GZF1: variants seen among roughly 807,000 people sequenced by gnomAD.
GZF1 encodes GDNF inducible zinc finger protein 1.
In GZF1, 28 loss-of-function variants were observed where a neutral mutation model predicts 49.4. The observed-to-expected ratio is 0.57, with a 90% CI of 0.42 to 0.78. The LOEUF is 0.78. Ranked by LOEUF, GZF1 falls within the 30% of genes least tolerant of loss-of-function variation. The pLI is 0.00. For missense variants in GZF1, 798 were observed against 916.2 expected, an observed-to-expected ratio of 0.87 and a Z score of 1.67; for synonymous variants, 364 against 356.0, an observed-to-expected ratio of 1.02 and a Z score of -0.25.
intron 5 of GZF1, 70 bp from the exon 6 acceptor site, chr20:23,370,021 A>G (rs1220898478): frequency 1.2e-5 from 16 of 1,296,218 alleles, no homozygotes; most frequent in Non-Finnish European, 1.7e-5. Context: ...TTGTAGAGGG[A>G]CTATTGTTTT....
chr20:23,365,586 G>GGGC lies in GZF1; in HGVS notation c.1211_1213dup (p.Gly404dup). The GGGC allele has an allele frequency of 6.2e-7, 1 of 1,609,990 alleles. No homozygotes were observed. Among genetic ancestry groups the GGGC allele is most frequent in the East Asian group, 2.2e-5 (1 of 44,868 alleles). On this transcript the variant is annotated inframe_insertion, in exon 2 of 6. Transcript: ENST00000338121. ...AGCGGCACGTGCTGCAGGTGCATGA[G>GGGC]GGCGGCGGCGAGCGGCACCGCTGCG...
At chr20:23,363,699 C>G (rs1980958195) in intron 1 of GZF1, among the ~76,000 whole-genome samples, 1 of 152,226 alleles carries the variant, frequency 6.6e-6, no homozygotes, top group Non-Finnish European at 1.5e-5. Flanking sequence ...GCCGGTCAGC[C>G]TTCTTCAGAG....
At chr20:23,361,786 C>T (rs888411964), upstream of GZF1, among the ~76,000 whole-genome samples, 1 of 152,228 alleles carries the variant, frequency 6.6e-6, no homozygotes, top group Non-Finnish European at 1.5e-5. Context: ...AGGCCCTGAC[C>T]GCAGGCTGCT....
Position 23,364,841 on chromosome 20 carries a change from G to A in GZF1, c.458G>A (p.Ser153Asn), listed in dbSNP as rs1981112443. The change falls in exon 2 of 6, where the codon AGT becomes AAT. Residue 153 changes from serine to asparagine, a missense_variant. Ser to Asn is a conservative substitution (Grantham distance 46). Transcript: ENST00000338121. ...FSESQEVEVSSGSQVSAAPAP... is the reference protein window; with the variant it reads ...FSESQEVEVSNGSQVSAAPAP... The stretch of plus-strand genomic sequence containing the variant: ...GAGTCTCAGGAGGTGGAGGTGAGCA[G>A]TGGCTCCCAAGTTAGTGCTGCTCCT... 2 of 1,614,124 alleles carry A rather than the reference G, an allele frequency of 1.2e-6. No homozygotes were observed. The highest frequency in any genetic ancestry group is 2.7e-5 in the African/African-American group (2 of 74,960).
In GZF1 at chr20:23,365,461, C is replaced by G; in HGVS notation, c.1078C>G (p.Arg360Gly). The G allele has an allele frequency of 6.2e-7, 1 of 1,613,834 alleles. No homozygotes were observed. Among genetic ancestry groups the G allele is most frequent in the Non-Finnish European group, 8.5e-7 (1 of 1,180,030 alleles). The change falls in exon 2 of 6, where the codon CGC becomes GGC. Residue 360 changes from arginine (R) to glycine (G), a missense_variant. By Grantham distance (125) the Arg-to-Gly change is moderately radical. Around this residue, in one of 3 missense-constraint regions of GZF1, gnomAD observed 446 missense variants for 540.1 expected, o/e 0.83. Transcript: ENST00000338121. ...CACCTGCGGCCAGACCTTCGCCAACCGCTGCAACCTGAAGAGCCACCAGCG... is the reference window on the plus strand; with the variant it reads ...CACCTGCGGCCAGACCTTCGCCAACGGCTGCAACCTGAAGAGCCACCAGCG... ...CDTCGQTFAN[R>G]CNLKSHQRHV...
In GZF1 at chr20:23,365,744, T is replaced by A; in HGVS notation, c.1361T>A (p.Met454Lys). 6.5e-7 allele frequency: 1 copy of A among 1,532,904 alleles called. No homozygotes were observed. Among genetic ancestry groups the A allele is most frequent in the Non-Finnish European group, 8.7e-7 (1 of 1,144,800 alleles). The allele number at this position is 1,532,904 out of a possible 1,614,324, so 95.0% of individuals were successfully genotyped here. The change falls in exon 2 of 6, where the codon ATG becomes AAG. Residue 454 changes from methionine (M) to lysine (K), a missense_variant. Met to Lys is a moderately conservative substitution (Grantham distance 95, BLOSUM62 -1). Coordinates refer to ENST00000338121, the MANE Select transcript of GZF1 (RefSeq NM_022482.5). ...CAGCCGTCCGCGCTCAAGACGCACA[T>A]GAGGTACGCGGGGAGCCGTCCGGAG... Reference protein sequence around the residue: ...FSQPSALKTHMRIHTGEKPFV... With the variant: ...FSQPSALKTHKRIHTGEKPFV...
rs530989063 is a variant in GZF1 at position 23,370,096 on chromosome 20, C to T, written c.1791C>T (p.His597=). ...KSTLRRHTSI[H]DKNTPWKSFL... ...GTTTTGTGTTTAACTTATAGATACA[C>T]GATAAGAATACTCCATGGAAGTCTT... Residue 597 remains histidine (H), a synonymous_variant, in exon 6 of 6, where the codon CAC becomes CAT. Transcript: ENST00000338121. 4.2e-5 allele frequency: 67 copies of T among 1,612,770 alleles called. No homozygotes were observed. In the East Asian group the frequency reaches 7.6e-4, roughly 18 times the overall value.
chr20:23,370,349 C>G lies in GZF1; in HGVS notation c.2044C>G (p.Leu682Val). The change falls in exon 6 of 6, where the codon CTC (leucine) becomes GTC (valine). Residue 682 changes from leucine (L) to valine (V), a missense_variant. Leu to Val is a conservative substitution (Grantham distance 32, BLOSUM62 1). This residue lies in a region of GZF1 where 446 missense variants were observed against 540.1 expected (regional missense o/e 0.83). Transcript: ENST00000338121. ...ADDSVVSQDT[L>V]LATTISELSE... is the part of the protein sequence containing the mutation. ...TGACTCCGTGGTGTCCCAGGACACCCTCCTGGCCACCACCATCAGTGAGCT... is the reference window on the plus strand; with the variant it reads ...TGACTCCGTGGTGTCCCAGGACACCGTCCTGGCCACCACCATCAGTGAGCT... The G allele has an allele frequency of 1.2e-6, 2 of 1,613,298 alleles. No individual in the cohort carries two copies. The highest frequency in any genetic ancestry group is 3.3e-5 in the Admixed American group (2 of 60,018).
At position 23,364,976 on chromosome 20, in the gene GZF1, C is replaced by G. The variant is rs751131191; in HGVS notation, c.593C>G (p.Pro198Arg). Reference sequence around the variant, plus strand: ...AATGGCATGTCTTCAGATTTGCCACCGAAGAAGTCCAAGGACAAACTAGAC... The same window carrying G: ...AATGGCATGTCTTCAGATTTGCCACGGAAGAAGTCCAAGGACAAACTAGAC... ...ASNGMSSDLP[P>R]KKSKDKLDKK... is the part of the protein sequence containing the mutation. Residue 198 changes from proline to arginine, a missense_variant, in exon 2 of 6, where the codon CCG becomes CGG. Physicochemically the swap from Pro to Arg is moderately radical, Grantham distance 103. This residue lies in a region of GZF1 where 247 missense variants were observed against 228.5 expected (regional missense o/e 1.08). Coordinates refer to ENST00000338121, the MANE Select transcript of GZF1 (RefSeq NM_022482.5). The G allele has an allele frequency of 6.2e-7, 1 of 1,614,190 alleles. No homozygotes were observed. Among genetic ancestry groups the G allele is most frequent in the Non-Finnish European group, 8.5e-7 (1 of 1,180,050 alleles).
At chr20:23,368,008 TTC>T (rs1218264135) in intron 3 of GZF1, among the ~76,000 whole-genome samples, 2 of 152,254 alleles carry the variant, frequency 1.3e-5, no homozygotes, top group Admixed American at 1.3e-4. Context: ...GTTCTGCTCA[TTC>T]TGAAGTCATA....
chr20:23,367,369 A>AT (rs111411584), intron 3 of GZF1, among the ~76,000 whole-genome samples: 3 of 152,032 alleles, frequency 2.0e-5, no homozygotes, highest in Admixed American at 6.6e-5. Flanking sequence ...TGTAACCGAA[A>AT]TTTTTTTTTC....
Position 23,370,362 on chromosome 20 carries a change from C to A in GZF1, c.2057C>A (p.Thr686Asn). The A allele has an allele frequency of 6.2e-7, 1 of 1,614,082 alleles. No individual in the cohort carries two copies. The highest frequency in any genetic ancestry group is 1.3e-5 in the African/African-American group (1 of 75,054). Residue 686 changes from threonine to asparagine, a missense_variant, in exon 6 of 6, where the codon ACC (threonine) becomes AAC (asparagine). Thr to Asn is a moderately conservative substitution (Grantham distance 65). Coordinates refer to ENST00000338121, the MANE Select transcript of GZF1 (RefSeq NM_022482.5). ...TCCCAGGACACCCTCCTGGCCACCA[C>A]CATCAGTGAGCTTAGCGAGCTGACC... ...VVSQDTLLAT[T>N]ISELSELTPQ...
chr20:23,369,806 ACCTACCACCATTCTC>A (rs1981860207), intron 5 of GZF1, 65 bp downstream of exon 5: 2 of 1,510,252 alleles, frequency 1.3e-6, no homozygotes, highest in Non-Finnish European at 1.8e-6. Flanking sequence ...AAAGAGAAAT[ACCTACCACCATTCTC>A]CAAGGTGGTT....
intron 4 of GZF1, 145 bp from the exon 5 acceptor site, chr20:23,369,439 A>C (rs538976513): frequency 2.3e-5 from 16 of 687,816 alleles, no homozygotes; most frequent in Non-Finnish European, 3.8e-5. Context: ...GTAGCCCTTA[A>C]GTTGTTCCCA....
chr20:23,369,881 A>G (rs1165439125), intron 5 of GZF1, 140 bp downstream of exon 5: 15 of 1,017,080 alleles, frequency 1.5e-5, no homozygotes, highest in Non-Finnish European at 2.1e-5. Context: ...CTGCAGTGGA[A>G]CGCTCACGGA....
intron 3 of GZF1, among the ~76,000 whole-genome samples, chr20:23,367,812 A>G (rs1051195215): frequency 7.2e-5 from 11 of 152,238 alleles, no homozygotes; most frequent in African/African-American, 2.7e-4. Context: ...TGAGGTTTAG[A>G]ATCTTGTGGA....
chr20:23,367,282 G>T (rs1377891537), intron 3 of GZF1, among the ~76,000 whole-genome samples, 185 bp downstream of exon 3: 1 of 152,172 alleles, frequency 6.6e-6, no homozygotes, highest in African/African-American at 2.4e-5. Context: ...TGTGCACATG[G>T]CTGTGGCTTT....
At chr20:23,366,972 C>G (rs1568587196) in intron 2 of GZF1, 31 bp from the exon 3 acceptor site, 2 of 1,458,488 alleles carry the variant, frequency 1.4e-6, no homozygotes, top group South Asian at 2.3e-5. Context: ...GAAATACATC[C>G]TAAGTTATCA....
At chr20:23,369,043 A>C (rs1981745123) in intron 4 of GZF1, 114 bp downstream of exon 4, 6 of 864,868 alleles carry the variant, frequency 6.9e-6, no homozygotes, top group Non-Finnish European at 1.1e-5. Context: ...AAAACTGGCC[A>C]AACTTTGTAT....
Sources: allele counts gnomAD v4.1 joint callset (sites outside exome capture counted in the v4.1 genomes callset), GRCh38; gene constraint gnomAD v4.1.1; regional missense constraint gnomAD v4.1.1; transcripts MANE v1.5; gene names NCBI Gene and HGNC (gene_info 2026-07-23, HGNC 2026-07-21).